The following CES4A variants were observed in gnomAD, a reference collection of about 807,000 sequenced individuals.
CES4A encodes carboxylesterase 4A.
A neutral mutation model predicts 65.4 loss-of-function variants in CES4A; 48 were observed. The observed-to-expected ratio is 0.73, with a 90% CI of 0.58 to 0.93. The LOEUF is 0.93. Among genes scored for constraint, CES4A ranks in the 40% least tolerant of loss-of-function variants. The probability of loss-of-function intolerance (pLI) is 0.00; values close to 1 mark genes in which losing one functional copy is unlikely to be tolerated. For missense variants in CES4A, 685 were observed against 728.5 expected (o/e 0.94, Z 0.69); for synonymous variants, 247 against 281.8 (o/e 0.88, Z 1.24).
chr16:67,006,952 T>C, intron 13 of CES4A, 135 bp downstream of exon 13: 2 of 694,662 alleles, frequency 2.9e-6, no homozygotes, highest in Non-Finnish European at 4.8e-6. Context: ...TGCCCCTTCT[T>C]CTTCAGCTTT....
chr16:67,001,422 G>C lies in CES4A; in HGVS notation c.651G>C (p.Leu217=). 1 of 1,613,204 alleles carries C rather than the reference G, an allele frequency of 6.2e-7. No homozygotes were observed. ...GGGGAGACCCAGGAAATGTGACCCT[G>C]TTCGGCCAGTCGGCGGGGGCCATGA... Residue 217 remains leucine (L), a synonymous_variant, in exon 5 of 14, where the codon CTG becomes CTC. Transcript: ENST00000648724. This position sits in a 1 kb window ranked among gnomAD's most constrained non-coding sequence, Gnocchi z 4.1.
chr16:67,004,950 C>G (rs2145655041), intron 10 of CES4A, 77 bp downstream of exon 10: 1 of 1,166,944 alleles, frequency 8.6e-7, no homozygotes, highest in East Asian at 2.5e-5. Context: ...AGTAGCTGCT[C>G]TTTGCAAAGG....
Position 67,000,514 on chromosome 16 carries a change from C to T in CES4A, c.261-124C>T. 1 of 1,449,346 alleles carries T rather than the reference C, an allele frequency of 6.9e-7. No individual in the cohort carries two copies. The highest frequency in any genetic ancestry group is 1.4e-5 in the African/African-American group (1 of 70,308). 89.8% of individuals were successfully genotyped at this position (1,449,346 alleles called of 1,614,324 possible). ...CCTCCTGTACACGCACACGCACGCACATGCGCACGCACACGCACGCGCACA... is the reference window on the plus strand; with the variant it reads ...CCTCCTGTACACGCACACGCACGCATATGCGCACGCACACGCACGCGCACA... On this transcript the variant is annotated intron_variant, in intron 2 of 13. Transcript: ENST00000648724. This position sits in a 1 kb window ranked among gnomAD's most constrained non-coding sequence, Gnocchi z 4.2.
intron 1 of CES4A, among the ~76,000 whole-genome samples, chr16:66,992,581 T>G (rs537106184): frequency 6.7e-4 from 102 of 152,322 alleles, no homozygotes; most frequent in African/African-American, 2.4e-3. Flanking sequence ...GTTCGCTAAT[T>G]ACTTGGATCA....
chr16:66,990,117 C>A (rs1964265644), intron 1 of CES4A, among the ~76,000 whole-genome samples: 1 of 138,258 alleles, frequency 7.2e-6, no homozygotes, highest in African/African-American at 2.7e-5. Flanking sequence ...ATGGTGCCAT[C>A]TCCGCTCACC....
Position 67,000,452 on chromosome 16 carries a change from C to T in CES4A, c.261-186C>T. The T allele has an allele frequency of 7.1e-7, 1 of 1,411,046 alleles. No homozygotes were observed. Among genetic ancestry groups the T allele is most frequent in the Non-Finnish European group, 9.2e-7 (1 of 1,086,390 alleles). The allele number at this position is 1,411,046 out of a possible 1,614,324, so 87.4% of individuals were successfully genotyped here. A position where few individuals can be genotyped will look rare whatever the true frequency, so the allele number is the denominator to read the frequency against. On this transcript the variant is annotated intron_variant, in intron 2 of 13. Transcript: ENST00000648724. The surrounding 1 kb of genome is among the most constrained non-coding windows in gnomAD (Gnocchi z 4.2). ...GAGGGGATGGTTCCTGAGAGGCCAA[C>T]CTGCCTCCCAGTCCTGGGCCCCGGG...
intron 11 of CES4A, chr16:67,006,129 A>T: frequency 2.2e-6 from 1 of 447,080 alleles, no homozygotes; most frequent in Non-Finnish European, 4.1e-6. Context: ...GGCTTCCATG[A>T]TCCTGGCCAC....
intron 5 of CES4A, among the ~76,000 whole-genome samples, chr16:67,002,843 A>G (rs1357657087): frequency 2.0e-5 from 3 of 151,962 alleles, no homozygotes; most frequent in East Asian, 3.9e-4. Context: ...CCCTCCCCCA[A>G]TCTCACATCC....
At chr16:67,006,892 T>C in intron 13 of CES4A, 75 bp downstream of exon 13, 1 of 1,422,652 alleles carries the variant, frequency 7.0e-7, no homozygotes, top group Non-Finnish European at 9.8e-7. Flanking sequence ...CTGCTTCGGA[T>C]ATTTGCCCCA....
Position 67,000,564 on chromosome 16 carries a change from G to C in CES4A, c.261-74G>C, listed in dbSNP as rs906890000. 6.0e-6 allele frequency: 9 copies of C among 1,494,344 alleles called. No homozygotes were observed. In the East Asian group the frequency reaches 2.3e-4, roughly 37 times the overall value. The allele number at this position is 1,494,344 out of a possible 1,614,324, so 92.6% of individuals were successfully genotyped here. On this transcript the variant is annotated intron_variant, in intron 2 of 13. Coordinates refer to ENST00000648724, the Ensembl canonical transcript of CES4A. This position sits in a 1 kb window ranked among gnomAD's most constrained non-coding sequence, Gnocchi z 4.2. Reference sequence around the variant, plus strand: ...AGACGCTGCCTGGATTTTGCTTTGGGTTCCGTCTTCTCACTGCGGACCCTG... The same window carrying C: ...AGACGCTGCCTGGATTTTGCTTTGGCTTCCGTCTTCTCACTGCGGACCCTG...
At chr16:67,004,822 G>C (rs115953428) in exon 10 of CES4A, 2 of 1,535,984 alleles carry the variant, frequency 1.3e-6, no homozygotes, top group African/African-American at 2.7e-5. Context: ...ACCGGCAGGC[G>C]ATGAGAAAGG....
intron 11 of CES4A, 76 bp downstream of exon 11, chr16:67,005,469 C>G: frequency 5.7e-6 from 8 of 1,395,216 alleles, no homozygotes; most frequent in Non-Finnish European, 7.9e-6. Context: ...CTGGGCTTAT[C>G]GACTGCTCCC....
Position 67,001,221 on chromosome 16 carries a change from G to A in CES4A, c.537-87G>A. The A allele has an allele frequency of 6.8e-7, 1 of 1,462,492 alleles. No homozygotes were observed. The highest frequency in any genetic ancestry group is 1.4e-5 in the African/African-American group (1 of 71,108). 90.6% of individuals were successfully genotyped at this position (1,462,492 alleles called of 1,614,324 possible). A position where few individuals can be genotyped will look rare whatever the true frequency, so the allele number is the denominator to read the frequency against. On this transcript the variant is annotated intron_variant, in intron 4 of 13. Transcript: ENST00000648724. The surrounding 1 kb of genome is among the most constrained non-coding windows in gnomAD (Gnocchi z 4.1). ...ACTGGGTCTTAGAGGGGCAAGGCTGGGCTGGGTGGGGGAAGCCCAGGAGGG... is the reference window on the plus strand; with the variant it reads ...ACTGGGTCTTAGAGGGGCAAGGCTGAGCTGGGTGGGGGAAGCCCAGGAGGG...
At chr16:67,007,111 A>T (rs1463900345) in intron 13 of CES4A, 1 of 389,870 alleles carries the variant, frequency 2.6e-6, no homozygotes, top group Non-Finnish European at 4.6e-6. Context: ...GAATTCAAGG[A>T]TGTTGCAGAC....
chr16:67,005,047 G>A lies in CES4A; in HGVS notation c.1161+174G>A, dbSNP rs549239883. ...ACTGCTTACAGGTAAGGTGCTCAGG[G>A]TCACAGGGGCAGTTATGCAGCAAAA... On this transcript the variant is annotated intron_variant, in intron 10 of 13. Transcript: ENST00000648724. 1,074 of 738,332 alleles carry A rather than the reference G, an allele frequency of 1.5e-3. 4 individuals carry two copies. Among genetic ancestry groups the A allele is most frequent in the Middle Eastern group, 3.4e-3 (9 of 2,648 alleles). The allele number at this position is 738,332 out of a possible 1,614,324, so 45.7% of individuals were successfully genotyped here. A position where few individuals can be genotyped will look rare whatever the true frequency, so the allele number is the denominator to read the frequency against.
rs756940311 is a variant in CES4A at position 66,995,694 on chromosome 16, A to C, written c.125A>C (p.His42Pro). ...GGAACCCTGCAAGGAAAACAGATGCATGTGGGGAAGACACCCATCCAAGTC... is the reference window on the plus strand; with the variant it reads ...GGAACCCTGCAAGGAAAACAGATGCCTGTGGGGAAGACACCCATCCAAGTC... Residue 42 changes from histidine to proline, a missense_variant, in exon 2 of 14, where the codon CAT becomes CCT. Coordinates refer to ENST00000648724, the Ensembl canonical transcript of CES4A. 5 of 1,614,242 alleles carry C rather than the reference A, an allele frequency of 3.1e-6. No homozygotes were observed. The Admixed American group carries it at 8.3e-5, about 27-fold the overall frequency.
intron 2 of CES4A, chr16:66,996,312 G>A: frequency 6.3e-6 from 2 of 317,542 alleles, no homozygotes; most frequent in Non-Finnish European, 1.2e-5. Flanking sequence ...TGAGATTACA[G>A]GCATGAGCCA....
At chr16:66,996,691 A>T (rs1597066843) in intron 2 of CES4A, among the ~76,000 whole-genome samples, 1 of 152,198 alleles carries the variant, frequency 6.6e-6, no homozygotes, top group Non-Finnish European at 1.5e-5. Context: ...GTTTAGAAAA[A>T]TGTCTGAGAA....
Position 67,001,309 on chromosome 16 carries a change from A to C in CES4A, c.538A>C (p.Thr180Pro). The C allele has an allele frequency of 6.2e-7, 1 of 1,603,260 alleles. No individual in the cohort carries two copies. Among genetic ancestry groups the C allele is most frequent in the Middle Eastern group, 1.7e-4 (1 of 5,730 alleles). The change falls in exon 5 of 14, where the codon ACG becomes CCG. Residue 180 changes from threonine (T) to proline (P), a missense_variant and splice_region_variant. Thr to Pro is a conservative substitution (Grantham distance 38). Transcript: ENST00000648724. This position sits in a 1 kb window ranked among gnomAD's most constrained non-coding sequence, Gnocchi z 4.1. ...TGACAGTGAACCCCACACGCCCAGC[A>C]CGGACGACAGCCACGCGCGCGGGAA...
Sources: allele counts gnomAD v4.1 joint callset (sites outside exome capture counted in the v4.1 genomes callset), GRCh38; gene constraint gnomAD v4.1.1; non-coding constraint Gnocchi (gnomAD v3.1); transcripts MANE v1.5; gene names NCBI Gene and HGNC (gene_info 2026-07-23, HGNC 2026-07-21).